Variants in NBAS observed in about 807,000 individuals in gnomAD.
NBAS encodes the protein NBAS subunit of NRZ tethering complex.
NBAS carries 219 observed loss-of-function variants against 302.5 expected under a neutral mutation model. The observed-to-expected ratio is 0.72, with a 90% CI of 0.65 to 0.81. NBAS has a LOEUF of 0.81. Ranked by LOEUF, NBAS falls within the 30% of genes least tolerant of loss-of-function variation. The pLI is 0.00. For missense variants in NBAS, 2,932 were observed against 2,841.6 expected (o/e 1.03, Z -0.72); for synonymous variants, 1,118 against 1,021.6 (o/e 1.09, Z -1.80).
At position 15,256,120 on chromosome 2, in the gene NBAS, T is replaced by C. The variant is rs567029516; in HGVS notation, c.5725-17434A>G. 9.9e-4 allele frequency among the ~76,000 whole-genome samples: 151 copies of C among 152,248 alleles called. 2 individuals carry two copies. The highest frequency in any genetic ancestry group is 1.2e-3 in the Non-Finnish European group (81 of 68,000). The stretch of plus-strand genomic sequence containing the variant: ...TGATCGTATTTTGGTGGGAATTGTA[T>C]TAAATTTATAGACTGCTTTTGGCAA... On this transcript the variant is annotated intron_variant, in intron 44 of 51. Transcript: ENST00000281513.
In NBAS at chr2:15,393,726, G is replaced by A. The variant is rs1016689253; in HGVS notation, c.3257+501C>T. 7 of 470,250 alleles carry A rather than the reference G, an allele frequency of 1.5e-5. No individual in the cohort carries two copies. In the Middle Eastern group the frequency reaches 9.8e-4, roughly 66 times the overall value. 29.1% of individuals were successfully genotyped at this position (470,250 alleles called of 1,614,324 possible). A position where few individuals can be genotyped will look rare whatever the true frequency, so the allele number is the denominator to read the frequency against. On this transcript the variant is annotated intron_variant, in intron 28 of 51. Coordinates refer to ENST00000281513, the MANE Select transcript of NBAS (RefSeq NM_015909.4). ...TCCACGGACAGAGAAGTGGTAAACA[G>A]GCTGTGAAAAATCCATACAATGAAA... is the stretch of plus-strand genomic sequence containing the variant.
At chr2:15,515,240 G>GA (rs34918509) in intron 9 of NBAS, among the ~76,000 whole-genome samples, 95,359 of 149,324 alleles carry the variant, frequency 0.64, 30,892 homozygotes, top group Non-Finnish European at 0.68. Flanking sequence ...CTCTAAAACA[G>GA]AAAAAAAAAA....
chr2:15,342,783 A>G (rs1807926), intron 35 of NBAS, among the ~76,000 whole-genome samples: 18,774 of 152,136 alleles, frequency 0.12, 1,457 homozygotes, highest in Middle Eastern at 0.24. Context: ...TTTCACATCT[A>G]ATTTCTTTTA....
intron 43 of NBAS, among the ~76,000 whole-genome samples, chr2:15,276,071 C>T (rs1402806691): frequency 6.6e-6 from 1 of 152,122 alleles, no homozygotes; most frequent in Non-Finnish European, 1.5e-5. Context: ...CTTGTTTGTA[C>T]CCTAGAGATG....
At chr2:15,314,210 T>C (rs1007525101) in intron 38 of NBAS, among the ~76,000 whole-genome samples, 4 of 151,672 alleles carry the variant, frequency 2.6e-5, no homozygotes, top group Non-Finnish European at 5.9e-5. Flanking sequence ...AAAAAAACTA[T>C]CCAGACATGA....
chr2:14,963,609 C>A, the NBAS span, among the ~76,000 whole-genome samples: 1 of 152,172 alleles, frequency 6.6e-6, no homozygotes, highest in Non-Finnish European at 1.5e-5. Context: ...AGGATGCTCA[C>A]ACGACCAGCA....
the NBAS span, among the ~76,000 whole-genome samples, chr2:14,922,941 A>G: frequency 6.6e-6 from 1 of 152,156 alleles, no homozygotes; most frequent in South Asian, 2.1e-4. Flanking sequence ...TCAAGAGGTC[A>G]GGAGATCGAG....
intron 1 of NBAS, among the ~76,000 whole-genome samples, chr2:15,560,047 T>C (rs550892970): frequency 2.0e-5 from 3 of 151,922 alleles, no homozygotes; most frequent in African/African-American, 2.4e-5. Context: ...AGGAAAAAAA[T>C]ACAAACTTTG....
intron 44 of NBAS, among the ~76,000 whole-genome samples, chr2:15,241,880 G>A (rs566804058): frequency 3.3e-5 from 5 of 152,202 alleles, no homozygotes; most frequent in South Asian, 2.1e-4. Flanking sequence ...CTCTGGCTTC[G>A]TGGTATAATT....
intron 21 of NBAS, among the ~76,000 whole-genome samples, chr2:15,453,213 G>A (rs1679099482): frequency 6.6e-6 from 1 of 152,154 alleles, no homozygotes; most frequent in African/African-American, 2.4e-5. Flanking sequence ...AAGGAACAAG[G>A]CCCAAGGAAA....
intron 33 of NBAS, 22 bp from the exon 34 acceptor site, chr2:15,353,732 A>C (rs1480123768): frequency 6.2e-7 from 1 of 1,613,884 alleles, no homozygotes; most frequent in South Asian, 1.1e-5. Flanking sequence ...GCAAGGAAAA[A>C]AATGATTCCC....
chr2:15,542,218 G>A lies in NBAS; in HGVS notation c.380-2862C>T, dbSNP rs1185466641. Among the ~76,000 whole-genome samples the A allele has an allele frequency of 8.0e-3, 660 of 82,650 alleles. 20 individuals are homozygous for A. The highest frequency in any genetic ancestry group is 0.028 in the African/African-American group (581 of 20,924). 54.2% of individuals were successfully genotyped at this position (82,650 alleles called of 152,430 possible). On this transcript the variant is annotated intron_variant, in intron 6 of 51. Transcript: ENST00000281513. ...AAAGTGGGGAAAAGATTGAGAAATC[G>A]GATGGTTGCCGTGTCTGTGTAGAAA...
At chr2:15,480,056 TG>T (rs987170550) in intron 12 of NBAS, among the ~76,000 whole-genome samples, 9 of 152,294 alleles carry the variant, frequency 5.9e-5, no homozygotes, top group African/African-American at 2.2e-4. Context: ...GAAAACATAT[TG>T]GGGCCAGGCA....
chr2:15,426,932 A>G (rs539459607), intron 22 of NBAS, among the ~76,000 whole-genome samples: 113 of 152,250 alleles, frequency 7.4e-4, no homozygotes, highest in African/African-American at 2.6e-3. Flanking sequence ...ATTTCTCCAG[A>G]AAAGAACTCT....
At chr2:15,551,578 A>C in intron 5 of NBAS, 42 bp from the exon 6 acceptor site, 1 of 1,472,640 alleles carries the variant, frequency 6.8e-7, no homozygotes, top group Non-Finnish European at 9.4e-7. Context: ...TTATCGTAAC[A>C]CTGTATAGAA....
At chr2:14,802,555 C>G in the NBAS span, among the ~76,000 whole-genome samples, 4 of 151,960 alleles carry the variant, frequency 2.6e-5, no homozygotes, top group African/African-American at 9.7e-5. Context: ...ACCCAAATGA[C>G]TATAAATCAT....
chr2:15,542,657 A>T lies in NBAS; in HGVS notation c.380-3301T>A, dbSNP rs531370810. ...TAAATAAATAAATAAGATAAAAAAA[A>T]TAAAAAAAAAATCAAACTTCAAAGC... is the stretch of plus-strand genomic sequence containing the variant. On this transcript the variant is annotated intron_variant, in intron 6 of 51. Transcript: ENST00000281513. Among the ~76,000 whole-genome samples the T allele has an allele frequency of 5.0e-3, 756 of 150,138 alleles. 9 individuals carry two copies. The highest frequency in any genetic ancestry group is 0.018 in the African/African-American group (701 of 39,836).
the NBAS span, among the ~76,000 whole-genome samples, chr2:15,136,879 G>A: frequency 6.7e-3 from 1,021 of 152,304 alleles, 65 homozygotes; most frequent in East Asian, 0.13. Context: ...CTGCTGCCAT[G>A]TAAGACGTGC....
At chr2:15,475,366 A>G (rs904669041) in intron 14 of NBAS, among the ~76,000 whole-genome samples, 1 of 152,182 alleles carries the variant, frequency 6.6e-6, no homozygotes, top group Non-Finnish European at 1.5e-5. Flanking sequence ...CTTTTTGGAA[A>G]TGGGTTAAAG....
Sources: gnomAD v4.1 joint callset for allele counts (sites outside exome capture counted in the v4.1 genomes callset) on GRCh38, gnomAD v4.1.1 for gene constraint, MANE v1.5 for transcripts, NCBI Gene and HGNC (gene_info 2026-07-23, HGNC 2026-07-21) for gene names.